The following NUP50 variants were observed in gnomAD, a reference collection of about 807,000 sequenced individuals.
NUP50 encodes the protein nucleoporin 50.
A neutral mutation model predicts 36.8 loss-of-function variants in NUP50; 14 were observed. That is an observed-to-expected ratio of 0.38 (90% CI 0.25 to 0.59). The LOEUF is 0.59. NUP50 is among the 20% of genes least tolerant of loss of function. The pLI is 0.63. For synonymous variants in NUP50, 195 were observed against 210.8 expected (o/e 0.93, Z 0.65); for missense variants, 455 against 564.6 (o/e 0.81, Z 1.97).
chr22:45,170,888 G>A (rs2074181302), intron 2 of NUP50: 1 of 771,700 alleles, frequency 1.3e-6, no homozygotes, highest in African/African-American at 1.9e-5. Flanking sequence ...CAGCCAGATG[G>A]TCCCCTCTAT....
At chr22:45,173,917 A>G (rs760979369) in intron 3 of NUP50, among the ~76,000 whole-genome samples, 2 of 152,220 alleles carry the variant, frequency 1.3e-5, no homozygotes, top group East Asian at 1.9e-4. Flanking sequence ...AAGTTTTCAT[A>G]TATTAGGACA....
Position 45,185,661 on chromosome 22 carries a change from G to A in NUP50, c.*1006G>A, listed in dbSNP as rs1007950467. 103 of 152,222 alleles carry A rather than the reference G, an allele frequency of 6.8e-4. No homozygotes were observed. The highest frequency in any genetic ancestry group is 3.9e-4 in the East Asian group (2 of 5,186). 9.4% of individuals were successfully genotyped at this position (152,222 alleles called of 1,614,324 possible). On this transcript the variant is annotated 3_prime_UTR_variant, in exon 8 of 8. Coordinates refer to ENST00000347635, the MANE Select transcript of NUP50 (RefSeq NM_007172.4). The stretch of plus-strand genomic sequence containing the variant: ...TAAACTTTGCCTTTAACTTTAGACC[G>A]CAGTATATTATAATACATTTGATAT...
chr22:45,170,696 G>T (rs905199969), intron 2 of NUP50, among the ~76,000 whole-genome samples: 2 of 152,040 alleles, frequency 1.3e-5, no homozygotes, highest in Non-Finnish European at 2.9e-5. Flanking sequence ...GTTTTTTGTT[G>T]TTGTTGGTTT....
intron 1 of NUP50, among the ~76,000 whole-genome samples, chr22:45,165,328 T>G (rs2074078499): frequency 6.6e-6 from 1 of 152,238 alleles, no homozygotes; most frequent in Non-Finnish European, 1.5e-5. Context: ...CTGAAGCTCC[T>G]GGGCTCAAGT....
Position 45,171,502 on chromosome 22 carries a change from C to T in NUP50, c.70-98C>T, listed in dbSNP as rs542859374. The stretch of plus-strand genomic sequence containing the variant: ...TGGCCAAAATTTATTTTTGAGAGGC[C>T]GGACACAGTGGCTCAGTTCTAGCTT... On this transcript the variant is annotated intron_variant, in intron 2 of 7. Transcript: ENST00000347635. 1.1e-3 allele frequency: 1,268 copies of T among 1,165,094 alleles called. 22 individuals are homozygous for T. In the South Asian group the frequency reaches 0.015, roughly 14 times the overall value. The allele number at this position is 1,165,094 out of a possible 1,614,324, so 72.2% of individuals were successfully genotyped here.
chr22:45,167,782 C>G (rs965674206), intron 1 of NUP50, among the ~76,000 whole-genome samples: 1 of 152,188 alleles, frequency 6.6e-6, no homozygotes, highest in Non-Finnish European at 1.5e-5. Flanking sequence ...TTCTTTATGA[C>G]AAGACTTTCA....
chr22:45,177,274 G>A (rs1031979794), intron 4 of NUP50, among the ~76,000 whole-genome samples: 1 of 152,136 alleles, frequency 6.6e-6, no homozygotes, highest in African/African-American at 2.4e-5. Flanking sequence ...ACAACCTCCC[G>A]AGCTCAAGTG....
In NUP50 at chr22:45,176,062, G is replaced by C; in HGVS notation, c.322G>C (p.Asp108His). 1 of 1,613,906 alleles carries C rather than the reference G, an allele frequency of 6.2e-7. No homozygotes were observed. The highest frequency in any genetic ancestry group is 8.5e-7 in the Non-Finnish European group (1 of 1,179,810). Residue 108 changes from aspartate to histidine, a missense_variant, in exon 4 of 8, where the codon GAT becomes CAT. Transcript: ENST00000347635. ...CTTCGCCAGTGCAAAGGCAGCGGCA[G>C]ATCCCAAGGTAGCCTTTGGTAAGTA... ...PPFASAKAAA[D>H]PKVAFGSLAA...
rs1053281717 is a variant in NUP50 at position 45,184,155 on chromosome 22, G to A, written c.1205-298G>A. 26 of 396,414 alleles carry A rather than the reference G, an allele frequency of 6.6e-5. No homozygotes were observed. In the Admixed American group the frequency reaches 9.5e-4, roughly 14 times the overall value. 24.6% of individuals were successfully genotyped at this position (396,414 alleles called of 1,614,324 possible). On this transcript the variant is annotated intron_variant, in intron 7 of 7. Coordinates refer to ENST00000347635, the MANE Select transcript of NUP50 (RefSeq NM_007172.4). ...CGTGTTCTTCCTTCAGTGCAAAGAC[G>A]GACAGTGTTGAGAGGGCTGACGGTT...
intron 6 of NUP50, among the ~76,000 whole-genome samples, chr22:45,182,630 T>G (rs1490490633): frequency 3.6e-5 from 5 of 138,130 alleles, no homozygotes; most frequent in East Asian, 4.1e-4. Context: ...TTTGTTTTTT[T>G]TTTTTTTTTT....
At chr22:45,181,616 C>T (rs1330296933) in intron 6 of NUP50, among the ~76,000 whole-genome samples, 1 of 152,154 alleles carries the variant, frequency 6.6e-6, no homozygotes, top group Admixed American at 6.5e-5. Context: ...GAGACAGGAT[C>T]TTCCATGATC....
At chr22:45,174,183 C>CTT (rs132886) in intron 3 of NUP50, among the ~76,000 whole-genome samples, 75 of 137,934 alleles carry the variant, frequency 5.4e-4, no homozygotes, top group African/African-American at 1.1e-3. Context: ...GGTATTTTCC[C>CTT]TTTTTTTTTT....
At chr22:45,167,138 T>C (rs1426155556) in intron 1 of NUP50, among the ~76,000 whole-genome samples, 1 of 152,168 alleles carries the variant, frequency 6.6e-6, no homozygotes, top group Non-Finnish European at 1.5e-5. Context: ...CTCTGGTGTA[T>C]TGTGGTGTTG....
At position 45,175,914 on chromosome 22, in the gene NUP50, T is replaced by C. The variant is rs1321494863; in HGVS notation, c.174T>C (p.Phe58=). The C allele has an allele frequency of 1.2e-6, 2 of 1,614,038 alleles. No individual in the cohort carries two copies. Among genetic ancestry groups the C allele is most frequent in the African/African-American group, 1.3e-5 (1 of 74,924 alleles). Residue 58 remains phenylalanine, a synonymous_variant, in exon 4 of 8, where the codon TTT becomes TTC. Transcript: ENST00000347635. ...TTCAGTCTGACACTGGAGGAGCCTTTAAAGGTTTTAAAGGTTTGGTGGTAC... is the reference window on the plus strand; with the variant it reads ...TTCAGTCTGACACTGGAGGAGCCTTCAAAGGTTTTAAAGGTTTGGTGGTAC... The part of the protein sequence containing the change: ...VGFESDTGGA[F]KGFKGLVVPS...
intron 7 of NUP50, chr22:45,184,130 C>T (rs908097443): frequency 4.0e-5 from 13 of 325,832 alleles, no homozygotes; most frequent in Non-Finnish European, 4.6e-5. Context: ...GTTGTGCCAC[C>T]GTGTTCTTCC....
intron 3 of NUP50, among the ~76,000 whole-genome samples, chr22:45,175,046 G>T (rs930007693): frequency 6.6e-6 from 1 of 151,490 alleles, no homozygotes; most frequent in Admixed American, 6.6e-5. Flanking sequence ...TTAGATGTTC[G>T]GTCTAAGAAG....
intron 3 of NUP50, among the ~76,000 whole-genome samples, chr22:45,175,385 T>C (rs1331717970): frequency 6.6e-6 from 1 of 152,218 alleles, no homozygotes; most frequent in Non-Finnish European, 1.5e-5. Context: ...GATTTGAGAC[T>C]CGATCATCTA....
intron 3 of NUP50, chr22:45,172,009 C>A (rs1569046396): frequency 8.0e-6 from 2 of 250,060 alleles, no homozygotes; most frequent in African/African-American, 4.4e-5. Flanking sequence ...TTCTGAGAGT[C>A]TTGTCTGCTC....
intron 4 of NUP50, chr22:45,178,016 C>T (rs368367631): frequency 3.9e-6 from 2 of 511,308 alleles, no homozygotes; most frequent in South Asian, 4.6e-5. Flanking sequence ...ATCCCACCTA[C>T]TCGGGAGGTT....
Sources: gnomAD v4.1 joint callset for allele counts (sites outside exome capture counted in the v4.1 genomes callset) on GRCh38, gnomAD v4.1.1 for gene constraint, MANE v1.5 for transcripts, NCBI Gene and HGNC (gene_info 2026-07-23, HGNC 2026-07-21) for gene names.